UBR3: variants seen among roughly 807,000 people sequenced by gnomAD.
UBR3 encodes the protein ubiquitin protein ligase E3 component n-recognin 3.
In UBR3, 85 loss-of-function variants were observed where a neutral mutation model predicts 243.2. The observed-to-expected ratio is 0.35, with a 90% CI of 0.29 to 0.42. The LOEUF (loss-of-function observed/expected upper bound fraction) is 0.42. UBR3 is among the 10% of genes least tolerant of loss of function. The pLI is 1.00. For missense variants in UBR3, 1,686 were observed against 2,300.8 expected (o/e 0.73, Z 5.47); for synonymous variants, 748 against 799.8 (o/e 0.94, Z 1.09).
intron 11 of UBR3, among the ~76,000 whole-genome samples, chr2:169,918,016 T>C (rs2085531206): frequency 6.6e-6 from 1 of 152,240 alleles, no homozygotes; most frequent in Non-Finnish European, 1.5e-5. Flanking sequence ...GTCATGTTTT[T>C]ATATGGTGCT....
chr2:170,038,866 T>C (rs1004044983), intron 31 of UBR3, among the ~76,000 whole-genome samples: 2 of 152,048 alleles, frequency 1.3e-5, no homozygotes. Context: ...ACCAGCATAA[T>C]AGAATGGTTG....
chr2:169,996,701 T>TTG (rs1360689758), intron 26 of UBR3, among the ~76,000 whole-genome samples: 108 of 147,174 alleles, frequency 7.3e-4, no homozygotes, highest in African/African-American at 2.5e-3. Context: ...TTGTTTTTTT[T>TTG]TTTTTTTTTT....
At chr2:169,984,768 A>G (rs1404827853) in intron 24 of UBR3, among the ~76,000 whole-genome samples, 2 of 152,094 alleles carry the variant, frequency 1.3e-5, no homozygotes, top group Non-Finnish European at 2.9e-5. Flanking sequence ...CCATGATCCT[A>G]GTTTCTTGAA....
At chr2:169,836,008 T>C (rs1485398667) in intron 1 of UBR3, among the ~76,000 whole-genome samples, 984 of 21,156 alleles carry the variant, frequency 0.047, 67 homozygotes, top group East Asian at 0.12. Flanking sequence ...TCTCTCTCTC[T>C]CTCTCTCTCT....
At position 169,875,940 on chromosome 2, in the gene UBR3, C is replaced by G; in HGVS notation, c.835C>G (p.Leu279Val). 2 of 1,528,568 alleles carry G rather than the reference C, an allele frequency of 1.3e-6. No homozygotes were observed. The highest frequency in any genetic ancestry group is 1.8e-6 in the Non-Finnish European group (2 of 1,138,806). 94.7% of individuals were successfully genotyped at this position (1,528,568 alleles called of 1,614,324 possible). A position where few individuals can be genotyped will look rare whatever the true frequency, so the allele number is the denominator to read the frequency against. Residue 279 changes from leucine (L) to valine (V), a missense_variant, in exon 3 of 39, where the codon CTG (leucine) becomes GTG (valine). By Grantham distance (32) the Leu-to-Val change is conservative. Coordinates refer to ENST00000272793, the MANE Select transcript of UBR3 (RefSeq NM_172070.4). ...GACAAACCAACAAAACTACAAAGATCTGACTTCTGGTGAGTAAAATGTTAG... is the reference window on the plus strand; with the variant it reads ...GACAAACCAACAAAACTACAAAGATGTGACTTCTGGTGAGTAAAATGTTAG... ...VLTNQQNYKD[L>V]TSGLGENACV...
chr2:169,836,688 A>G (rs925172523), intron 1 of UBR3, among the ~76,000 whole-genome samples: 1 of 151,762 alleles, frequency 6.6e-6, no homozygotes, highest in Admixed American at 6.6e-5. Flanking sequence ...AATTTATAAT[A>G]TTTTACCAAT....
chr2:169,986,881 T>C (rs953347960), intron 25 of UBR3, 87 bp downstream of exon 25: 7 of 1,397,332 alleles, frequency 5.0e-6, no homozygotes, highest in African/African-American at 1.5e-5. Context: ...AAATGAAAAT[T>C]ATATCTTTGT....
intron 31 of UBR3, 27 bp downstream of exon 31, chr2:170,029,475 A>C (rs754236046): frequency 3.3e-6 from 5 of 1,534,566 alleles, no homozygotes; most frequent in Non-Finnish European, 4.4e-6. Flanking sequence ...GACTAAAATC[A>C]ATTAAAACTC....
In UBR3 at chr2:169,986,680, A is replaced by G. The variant is rs2089018754; in HGVS notation, c.3670A>G (p.Thr1224Ala). The G allele has an allele frequency of 1.2e-6, 2 of 1,613,588 alleles. No individual in the cohort carries two copies. The change falls in exon 25 of 39, where the codon ACG (threonine) becomes GCG (alanine). Residue 1224 changes from threonine (T) to alanine (A), a missense_variant. Transcript: ENST00000272793. ...GAATGATATTCCTATGGAGATCACC[A>G]CGGCAGAACCACAGGTTTCCGAGGC... ...PENDIPMEIT[T>A]AEPQVSEAVY...
At chr2:169,883,880 C>G (rs908209109) in intron 5 of UBR3, among the ~76,000 whole-genome samples, 3 of 152,174 alleles carry the variant, frequency 2.0e-5, no homozygotes, top group African/African-American at 7.2e-5. Context: ...TTTGCCCAGG[C>G]TGGAGTGTAG....
intron 10 of UBR3, among the ~76,000 whole-genome samples, chr2:169,913,348 T>C (rs1276773417): frequency 7.9e-6 from 1 of 126,764 alleles, no homozygotes; most frequent in Non-Finnish European, 1.9e-5. Context: ...TTTTTTTGTT[T>C]GTTTGTTTTT....
At chr2:169,836,062 TATA>T (rs1311237120) in intron 1 of UBR3, among the ~76,000 whole-genome samples, 713 of 54,972 alleles carry the variant, frequency 0.013, 132 homozygotes, top group Non-Finnish European at 0.017. Context: ...TATATATATA[TATA>T]TATTTTTTTT....
At chr2:169,971,140 T>C (rs2088120229) in intron 24 of UBR3, among the ~76,000 whole-genome samples, 1 of 152,094 alleles carries the variant, frequency 6.6e-6, no homozygotes, top group Non-Finnish European at 1.5e-5. Flanking sequence ...GAAGTGTCTG[T>C]TCACGTCCTT....
At chr2:169,867,188 A>G (rs1317986679) in intron 1 of UBR3, among the ~76,000 whole-genome samples, 1 of 152,162 alleles carries the variant, frequency 6.6e-6, no homozygotes, top group Non-Finnish European at 1.5e-5. Flanking sequence ...ATCATATCAT[A>G]CCCTCAGTTA....
intron 30 of UBR3, chr2:170,016,706 C>A: frequency 5.5e-6 from 1 of 181,782 alleles, no homozygotes; most frequent in Non-Finnish European, 1.2e-5. Flanking sequence ...GGCACTTAAA[C>A]TTATCTAGAG....
At chr2:169,845,434 A>G (rs1035640342) in intron 1 of UBR3, among the ~76,000 whole-genome samples, 2 of 148,104 alleles carry the variant, frequency 1.4e-5, no homozygotes, top group African/African-American at 4.9e-5. Context: ...AAAAAAAAAA[A>G]AAGAAATTTT....
At chr2:169,904,400 C>T (rs1196402834) in intron 8 of UBR3, among the ~76,000 whole-genome samples, 1 of 152,170 alleles carries the variant, frequency 6.6e-6, no homozygotes, top group East Asian at 1.9e-4. Context: ...GGAATGGAAA[C>T]TTCCTAGTCC....
chr2:170,023,531 TC>T (rs1242957620), intron 30 of UBR3, among the ~76,000 whole-genome samples: 1 of 152,044 alleles, frequency 6.6e-6, no homozygotes, highest in Non-Finnish European at 1.5e-5. Flanking sequence ...TGCCTCAGCC[TC>T]CAAAGTAGCT....
Position 170,083,638 on chromosome 2 carries a change from A to G in UBR3, c.*1795A>G, listed in dbSNP as rs927638121. 3 of 152,630 alleles carry G rather than the reference A, an allele frequency of 2.0e-5. No homozygotes were observed. The highest frequency in any genetic ancestry group is 4.4e-5 in the Non-Finnish European group (3 of 68,002). The allele number at this position is 152,630 out of a possible 1,614,324, so 9.5% of individuals were successfully genotyped here. On this transcript the variant is annotated 3_prime_UTR_variant, in exon 39 of 39. Transcript: ENST00000272793. Reference sequence around the variant, plus strand: ...ACAGTTTGAAACTCTGATGCTATATATACATGGTATAATGTATTCAGACTT... The same window carrying G: ...ACAGTTTGAAACTCTGATGCTATATGTACATGGTATAATGTATTCAGACTT...
Sources: allele counts gnomAD v4.1 joint callset (sites outside exome capture counted in the v4.1 genomes callset), GRCh38; gene constraint gnomAD v4.1.1; transcripts MANE v1.5; gene names NCBI Gene and HGNC (gene_info 2026-07-23, HGNC 2026-07-21).